The following CTDSPL2 variants were observed in gnomAD, a reference collection of about 807,000 sequenced individuals.
CTDSPL2 encodes the protein CTD small phosphatase-like protein 2.
A neutral mutation model predicts 60.0 loss-of-function variants in CTDSPL2; 5 were observed. The ratio of observed to expected loss-of-function variants is 0.08; its 90% confidence interval spans 0.04 to 0.18. The LOEUF is 0.18. Ranked by LOEUF, CTDSPL2 falls within the 10% of genes least tolerant of loss-of-function variation. CTDSPL2 has a pLI of 1.00. For synonymous variants in CTDSPL2, 186 were observed against 189.3 expected (o/e 0.98, Z 0.14); for missense variants, 370 against 548.8 (o/e 0.67, Z 3.26).
intron 7 of CTDSPL2, 79 bp downstream of exon 7, chr15:44,497,217 C>T: frequency 1.2e-6 from 1 of 817,516 alleles, no homozygotes; most frequent in South Asian, 2.1e-5. Context: ...TTAGCTTTCC[C>T]TTTTTTTTGT....
At chr15:44,463,543 A>G (rs759617128) in intron 2 of CTDSPL2, among the ~76,000 whole-genome samples, 2 of 152,240 alleles carry the variant, frequency 1.3e-5, no homozygotes, top group African/African-American at 2.4e-5. Context: ...ATCATATTCT[A>G]TAAGATTATT....
chr15:44,455,500 G>C (rs1356961228), intron 1 of CTDSPL2, among the ~76,000 whole-genome samples: 2 of 152,148 alleles, frequency 1.3e-5, no homozygotes, highest in African/African-American at 2.4e-5. Flanking sequence ...TCTTGTGCCA[G>C]TTTTCAAAGG....
chr15:44,472,372 A>G (rs2080828556), intron 2 of CTDSPL2, among the ~76,000 whole-genome samples: 1 of 152,162 alleles, frequency 6.6e-6, no homozygotes, highest in South Asian at 2.1e-4. Context: ...CTTTTTTATT[A>G]TAGCCATCCT....
intron 8 of CTDSPL2, among the ~76,000 whole-genome samples, chr15:44,510,385 T>G (rs1407399132): frequency 6.6e-6 from 1 of 152,222 alleles, no homozygotes; most frequent in Admixed American, 6.5e-5. Flanking sequence ...TATCTTCAAG[T>G]AGTAGTCAAT....
At chr15:44,478,452 C>CAAAA (rs61080056) in intron 2 of CTDSPL2, among the ~76,000 whole-genome samples, 3 of 38,016 alleles carry the variant, frequency 7.9e-5, no homozygotes, top group Non-Finnish European at 9.6e-5. Flanking sequence ...GACTCTGTCT[C>CAAAA]AAAAAAAAAA....
At chr15:44,510,245 G>A (rs549541269) in intron 8 of CTDSPL2, among the ~76,000 whole-genome samples, 21 of 152,152 alleles carry the variant, frequency 1.4e-4, no homozygotes, top group Admixed American at 8.5e-4. Context: ...CGATCCACTC[G>A]TCTTGGCCTC....
intron 3 of CTDSPL2, among the ~76,000 whole-genome samples, chr15:44,485,678 G>A (rs2081106021): frequency 6.6e-6 from 1 of 152,192 alleles, no homozygotes; most frequent in South Asian, 2.1e-4. Flanking sequence ...TGGGTATGGG[G>A]TTAGGGACCC....
chr15:44,463,463 T>A (rs1247536543), intron 2 of CTDSPL2, among the ~76,000 whole-genome samples: 1 of 152,166 alleles, frequency 6.6e-6, no homozygotes, highest in Non-Finnish European at 1.5e-5. Context: ...TAATTAACAT[T>A]TTTGGGTAAG....
At chr15:44,430,405 C>T (rs933972650) in intron 1 of CTDSPL2, among the ~76,000 whole-genome samples, 13 of 152,044 alleles carry the variant, frequency 8.6e-5, no homozygotes, top group African/African-American at 3.1e-4. Context: ...GCTACCACAC[C>T]TGGCTAATTT....
chr15:44,459,137 A>T lies in CTDSPL2; in HGVS notation c.123A>T (p.Pro41=). Residue 41 remains proline (P), a synonymous_variant, in exon 2 of 13, where the codon CCA becomes CCT. Transcript: ENST00000260327. Reference sequence around the variant, plus strand: ...GCCTGCCTTCAGGAGGAGAAAAACCATCGAAGAATGAAACCGGCTTGTTGT... The same window carrying T: ...GCCTGCCTTCAGGAGGAGAAAAACCTTCGAAGAATGAAACCGGCTTGTTGT... ...DDSLPSGGEK[P]SKNETGLLSS... 6.2e-7 allele frequency: 1 copy of T among 1,613,244 alleles called. No homozygotes were observed. The highest frequency in any genetic ancestry group is 8.5e-7 in the Non-Finnish European group (1 of 1,179,572).
chr15:44,459,062 A>G lies in CTDSPL2; in HGVS notation c.48A>G (p.Gln16=), dbSNP rs760307611. The change falls in exon 2 of 13, where the codon CAA becomes CAG. Residue 16 remains glutamine, a synonymous_variant. Transcript: ENST00000260327. The part of the protein sequence containing the change: ...RKASQQSNQI[Q]TQRTARAKRK... ...CTTCTCAGCAGTCAAATCAAATCCA[A>G]ACACAACGCACTGCCAGAGCAAAGA... 8 of 1,609,952 alleles carry G rather than the reference A, an allele frequency of 5.0e-6. No individual in the cohort carries two copies. Among genetic ancestry groups the G allele is most frequent in the African/African-American group, 1.3e-5 (1 of 74,670 alleles).
In CTDSPL2 at chr15:44,458,983, T is replaced by C. The variant is rs2080505068; in HGVS notation, c.-24-8T>C. On this transcript the variant is annotated splice_polypyrimidine_tract_variant and splice_region_variant and intron_variant, in intron 1 of 12. Transcript: ENST00000260327. ...TTTTTTATTACATTTATTATTTTTCTCTTTTAGTTTTACATGTGGCACCCA... is the reference window on the plus strand; with the variant it reads ...TTTTTTATTACATTTATTATTTTTCCCTTTTAGTTTTACATGTGGCACCCA... 1.4e-6 allele frequency: 2 copies of C among 1,457,894 alleles called. No individual in the cohort carries two copies. Among genetic ancestry groups the C allele is most frequent in the East Asian group, 5.0e-5 (2 of 40,268 alleles). The allele number at this position is 1,457,894 out of a possible 1,614,324, so 90.3% of individuals were successfully genotyped here. A position where few individuals can be genotyped will look rare whatever the true frequency, so the allele number is the denominator to read the frequency against.
intron 3 of CTDSPL2, among the ~76,000 whole-genome samples, chr15:44,485,415 A>G (rs568973936): frequency 2.6e-5 from 4 of 152,340 alleles, no homozygotes; most frequent in African/African-American, 7.2e-5. Flanking sequence ...CAGTTTTTCC[A>G]CTGACAGTGA....
chr15:44,506,306 C>A (rs899058697), intron 8 of CTDSPL2, among the ~76,000 whole-genome samples: 1 of 151,058 alleles, frequency 6.6e-6, no homozygotes, highest in Admixed American at 6.6e-5. Context: ...CTGGGATTAC[C>A]GGCATGAGGC....
intron 8 of CTDSPL2, among the ~76,000 whole-genome samples, chr15:44,504,371 G>A (rs1349869971): frequency 6.6e-6 from 1 of 152,014 alleles, no homozygotes; most frequent in African/African-American, 2.4e-5. Context: ...GAAAGAACAA[G>A]AGAAGTAGAG....
At chr15:44,447,046 A>G (rs995400411) in intron 1 of CTDSPL2, among the ~76,000 whole-genome samples, 1 of 152,166 alleles carries the variant, frequency 6.6e-6, no homozygotes, top group Non-Finnish European at 1.5e-5. Context: ...TTTGTTGGTT[A>G]TAAATATATT....
At chr15:44,497,510 C>T (rs991861948) in intron 7 of CTDSPL2, among the ~76,000 whole-genome samples, 4 of 152,022 alleles carry the variant, frequency 2.6e-5, no homozygotes, top group South Asian at 2.1e-4. Context: ...GGACTACAGG[C>T]GCCTGCCACC....
intron 5 of CTDSPL2, among the ~76,000 whole-genome samples, chr15:44,491,782 T>C (rs891803334): frequency 6.6e-6 from 1 of 152,172 alleles, no homozygotes; most frequent in Non-Finnish European, 1.5e-5. Context: ...GCATGATGGC[T>C]GGGGCCTATA....
intron 2 of CTDSPL2, among the ~76,000 whole-genome samples, chr15:44,479,645 G>A (rs1450913086): frequency 1.3e-5 from 2 of 152,040 alleles, no homozygotes; most frequent in Non-Finnish European, 2.9e-5. Context: ...CTGGCCTCAA[G>A]TGAGGCTCCT....
Sources: allele counts gnomAD v4.1 joint callset (sites outside exome capture counted in the v4.1 genomes callset), GRCh38; gene constraint gnomAD v4.1.1; transcripts MANE v1.5; gene names NCBI Gene and HGNC (gene_info 2026-07-23, HGNC 2026-07-21).